The following PDE8B variants were observed in gnomAD, a reference collection of about 807,000 sequenced individuals.
PDE8B encodes phosphodiesterase 8B.
Under a neutral mutation model 101.3 loss-of-function variants are expected in PDE8B, and 26 were observed. The ratio of observed to expected loss-of-function variants is 0.26; its 90% confidence interval spans 0.19 to 0.36. The LOEUF (loss-of-function observed/expected upper bound fraction) is 0.36, where lower values mean the gene tolerates loss of function less well. Among genes scored for constraint, PDE8B ranks in the 10% least tolerant of loss-of-function variants. PDE8B has a pLI of 1.00. For synonymous variants in PDE8B, 424 were observed against 429.3 expected, an observed-to-expected ratio of 0.99 and a Z score of 0.15; for missense variants, 810 against 1,163.1, an observed-to-expected ratio of 0.70 and a Z score of 4.42.
the PDE8B span, among the ~76,000 whole-genome samples, chr5:77,137,356 G>C: frequency 2.0e-5 from 3 of 152,218 alleles, no homozygotes; most frequent in African/African-American, 7.2e-5. Context: ...AGAGCAGAAA[G>C]CATGATTGAG....
intron 1 of PDE8B, among the ~76,000 whole-genome samples, chr5:77,223,555 G>A (rs942583751): frequency 4.0e-5 from 6 of 151,770 alleles, no homozygotes; most frequent in African/African-American, 7.3e-5. Flanking sequence ...TTTACATCAA[G>A]GTTCTAAGTC....
intron 10 of PDE8B, among the ~76,000 whole-genome samples, chr5:77,362,570 A>G (rs1174349245): frequency 6.6e-6 from 1 of 152,232 alleles, no homozygotes; most frequent in African/African-American, 2.4e-5. Flanking sequence ...TCTTAGCAGC[A>G]TACTGTTGAC....
intron 10 of PDE8B, among the ~76,000 whole-genome samples, chr5:77,366,064 G>GT (rs957629188): frequency 4.6e-5 from 7 of 151,952 alleles, no homozygotes; most frequent in East Asian, 1.9e-4. Context: ...AGGTTTTTGG[G>GT]TTTTTTTGTT....
intron 1 of PDE8B, among the ~76,000 whole-genome samples, chr5:77,289,332 G>T (rs1766755973): frequency 6.6e-6 from 1 of 152,178 alleles, no homozygotes; most frequent in African/African-American, 2.4e-5. Context: ...TGGTTTATCT[G>T]CTGTTCTCTT....
chr5:77,400,301 T>C lies in PDE8B; in HGVS notation c.1210+11T>C. On this transcript the variant is annotated intron_variant, in intron 11 of 21. Coordinates refer to ENST00000264917, the MANE Select transcript of PDE8B (RefSeq NM_003719.5). Reference sequence around the variant, plus strand: ...ACAATTCTCAGACAGGTGAGAATACTTCAATTGAACTCTAACATACTTAGG... The same window carrying C: ...ACAATTCTCAGACAGGTGAGAATACCTCAATTGAACTCTAACATACTTAGG... 1 of 1,539,738 alleles carries C rather than the reference T, an allele frequency of 6.5e-7. No homozygotes were observed. Among genetic ancestry groups the C allele is most frequent in the Non-Finnish European group, 9.0e-7 (1 of 1,112,258 alleles).
At chr5:77,226,484 A>G (rs1328344587) in intron 1 of PDE8B, among the ~76,000 whole-genome samples, 2 of 152,086 alleles carry the variant, frequency 1.3e-5, no homozygotes, top group African/African-American at 4.8e-5. Flanking sequence ...CCAGTCCCCT[A>G]TTGATGTTTT....
the PDE8B span, chr5:77,180,634 C>T: frequency 4.1e-6 from 1 of 242,222 alleles, no homozygotes; most frequent in African/African-American, 2.3e-5. Flanking sequence ...TCTTTTCGCC[C>T]TTAGTCCCTG....
chr5:77,301,348 T>G (rs928147732), intron 1 of PDE8B, among the ~76,000 whole-genome samples: 2 of 152,222 alleles, frequency 1.3e-5, no homozygotes, highest in Non-Finnish European at 2.9e-5. Context: ...TTTCTGTTTC[T>G]TTGCCCATCA....
intron 14 of PDE8B, chr5:77,410,805 G>A (rs929650288): frequency 1.3e-5 from 2 of 151,776 alleles, no homozygotes; most frequent in Non-Finnish European, 2.9e-5. Flanking sequence ...CACATCGTCT[G>A]GGAATGACAA....
chr5:77,327,687 C>T (rs1340864451), intron 3 of PDE8B, among the ~76,000 whole-genome samples: 1 of 152,206 alleles, frequency 6.6e-6, no homozygotes, highest in Admixed American at 6.5e-5. Context: ...TTAGCAGGAC[C>T]TGCCCTGTGG....
chr5:77,423,919 G>T (rs1353298919), intron 20 of PDE8B, among the ~76,000 whole-genome samples: 1 of 151,812 alleles, frequency 6.6e-6, no homozygotes, highest in African/African-American at 2.4e-5. Flanking sequence ...TTACAGGCGT[G>T]AGCCACCGCA....
At chr5:77,278,744 G>A (rs545330801) in intron 1 of PDE8B, among the ~76,000 whole-genome samples, 10 of 152,216 alleles carry the variant, frequency 6.6e-5, no homozygotes, top group East Asian at 1.9e-4. Context: ...ATGACCCACC[G>A]CGCCAGGCCC....
At chr5:77,318,224 G>A (rs1201043733) in intron 2 of PDE8B, among the ~76,000 whole-genome samples, 1 of 152,144 alleles carries the variant, frequency 6.6e-6, no homozygotes, top group Non-Finnish European at 1.5e-5. Context: ...AAATGACTGA[G>A]GGATGGAGAT....
chr5:77,227,049 T>A (rs974755714), intron 1 of PDE8B, among the ~76,000 whole-genome samples: 1 of 152,230 alleles, frequency 6.6e-6, no homozygotes, highest in Non-Finnish European at 1.5e-5. Flanking sequence ...GGGGGCTCTG[T>A]ATCACTGATT....
At chr5:77,415,676 G>A (rs1795391659) in intron 17 of PDE8B, among the ~76,000 whole-genome samples, 2 of 152,176 alleles carry the variant, frequency 1.3e-5, no homozygotes, top group Non-Finnish European at 2.9e-5. Context: ...AATTCTTAAT[G>A]TCACTATGAC....
the PDE8B span, among the ~76,000 whole-genome samples, chr5:77,126,435 A>AT: frequency 1.4e-4 from 22 of 152,082 alleles, no homozygotes; most frequent in East Asian, 3.9e-3. Flanking sequence ...TACAAACTTT[A>AT]TTTTTTTTGA....
intron 10 of PDE8B, among the ~76,000 whole-genome samples, chr5:77,367,162 C>G (rs6877581): frequency 0.68 from 93,221 of 136,500 alleles, 29,427 homozygotes; most frequent in East Asian, 0.82. Context: ...AAAACACACA[C>G]ACACACACAC....
At chr5:77,194,738 G>T in the PDE8B span, among the ~76,000 whole-genome samples, 5 of 152,140 alleles carry the variant, frequency 3.3e-5, no homozygotes, top group African/African-American at 1.2e-4. Flanking sequence ...ATTTTTTAAA[G>T]GTTCATTCAT....
At chr5:77,145,377 G>A in the PDE8B span, 1 of 152,206 alleles carries the variant, frequency 6.6e-6, no homozygotes, top group Non-Finnish European at 1.5e-5. Flanking sequence ...AGTCTCTCCA[G>A]ATGGCAAAAG....
Sources: gnomAD v4.1 joint callset for allele counts (sites outside exome capture counted in the v4.1 genomes callset) on GRCh38, gnomAD v4.1.1 for gene constraint, MANE v1.5 for transcripts, NCBI Gene and HGNC (gene_info 2026-07-23, HGNC 2026-07-21) for gene names.